GALNTL6: variants seen among roughly 807,000 people sequenced by gnomAD.
GALNTL6 encodes the protein polypeptide N-acetylgalactosaminyltransferase like 6.
In GALNTL6, 46 loss-of-function variants were observed where a neutral mutation model predicts 73.7. The ratio of observed to expected loss-of-function variants is 0.62; its 90% CI spans 0.49 to 0.80. The LOEUF (loss-of-function observed/expected upper bound fraction) is 0.80. GALNTL6 is among the 30% of genes least tolerant of loss of function. GALNTL6 has a pLI of 0.00. For synonymous variants in GALNTL6, 259 were observed against 263.7 expected (o/e 0.98, Z 0.17); for missense variants, 604 against 755.0 (o/e 0.80, Z 2.34).
Position 172,209,097 on chromosome 4 carries a change from A to G in GALNTL6, c.139-20559A>G, listed in dbSNP as rs1449196725. Among the ~76,000 whole-genome samples the G allele has an allele frequency of 3.0e-4, 46 of 152,082 alleles. 1 individual carries two copies. Among genetic ancestry groups the G allele is most frequent in the Admixed American group, 3.0e-3 (45 of 15,250 alleles). ...AAAAGCTAAATTACAAGGACGTCTA[A>G]TTGCAAAGAATAATATTTGCTCAAG... is the stretch of plus-strand genomic sequence containing the variant. On this transcript the variant is annotated intron_variant, in intron 2 of 12. Coordinates refer to ENST00000506823, the MANE Select transcript of GALNTL6 (RefSeq NM_001034845.3).
chr4:172,631,749 C>T (rs1739406340), intron 5 of GALNTL6, among the ~76,000 whole-genome samples: 1 of 152,048 alleles, frequency 6.6e-6, no homozygotes, highest in Non-Finnish European at 1.5e-5. Context: ...TGTTGTTTTG[C>T]CATACAAGTA....
At chr4:171,981,524 T>C (rs902850259) in intron 2 of GALNTL6, among the ~76,000 whole-genome samples, 10 of 152,228 alleles carry the variant, frequency 6.6e-5, no homozygotes, top group Admixed American at 2.0e-4. Flanking sequence ...GCTTTTTTTA[T>C]CTTTGTAGCT....
intron 2 of GALNTL6, among the ~76,000 whole-genome samples, chr4:171,877,877 G>A (rs1346767448): frequency 2.0e-5 from 3 of 152,162 alleles, no homozygotes; most frequent in African/African-American, 4.8e-5. Flanking sequence ...TAAAATGACT[G>A]CAAATTAGAC....
At chr4:172,355,374 C>T (rs1009677481) in intron 5 of GALNTL6, among the ~76,000 whole-genome samples, 4 of 151,994 alleles carry the variant, frequency 2.6e-5, no homozygotes, top group South Asian at 2.1e-4. Flanking sequence ...AATGGCATTA[C>T]GATGAAATAC....
At chr4:172,903,098 A>C (rs991324015) in intron 8 of GALNTL6, among the ~76,000 whole-genome samples, 3 of 152,050 alleles carry the variant, frequency 2.0e-5, no homozygotes, top group Non-Finnish European at 4.4e-5. Context: ...CCAACATTTC[A>C]TTATTTTTTC....
intron 8 of GALNTL6, among the ~76,000 whole-genome samples, chr4:172,914,669 T>A (rs1025430877): frequency 6.6e-6 from 1 of 152,040 alleles, no homozygotes; most frequent in African/African-American, 2.4e-5. Flanking sequence ...TACATAATGG[T>A]AAAGGGATCA....
chr4:172,123,154 G>T (rs567900161), intron 2 of GALNTL6, among the ~76,000 whole-genome samples: 13 of 152,274 alleles, frequency 8.5e-5, no homozygotes, highest in African/African-American at 2.9e-4. Flanking sequence ...TGACAGTAAG[G>T]TTTGGAACCC....
chr4:172,337,744 A>G (rs1229404997), intron 4 of GALNTL6, among the ~76,000 whole-genome samples: 2 of 134,258 alleles, frequency 1.5e-5, no homozygotes, highest in South Asian at 2.3e-4. Flanking sequence ...TGGTGATTAT[A>G]TGCCTGGTGA....
At chr4:172,243,790 G>T (rs1737530468) in intron 3 of GALNTL6, among the ~76,000 whole-genome samples, 1 of 152,124 alleles carries the variant, frequency 6.6e-6, no homozygotes, top group South Asian at 2.1e-4. Context: ...TCAGGGACCT[G>T]TTTTGCTCCT....
chr4:172,837,045 G>A (rs914828226), intron 7 of GALNTL6, among the ~76,000 whole-genome samples: 17 of 152,172 alleles, frequency 1.1e-4, no homozygotes, highest in African/African-American at 4.1e-4. Flanking sequence ...TACATTATAC[G>A]ATTTTCATTA....
chr4:172,261,367 C>G (rs1317780447), intron 3 of GALNTL6, among the ~76,000 whole-genome samples: 1 of 151,298 alleles, frequency 6.6e-6, no homozygotes, highest in Non-Finnish European at 1.5e-5. Context: ...TATCCATCTC[C>G]TCTAGATTTT....
intron 2 of GALNTL6, among the ~76,000 whole-genome samples, chr4:172,164,807 T>G (rs576951666): frequency 1.3e-5 from 2 of 152,064 alleles, no homozygotes; most frequent in South Asian, 4.2e-4. Context: ...AACCGTAGAG[T>G]GTTATGTAAA....
intron 4 of GALNTL6, among the ~76,000 whole-genome samples, chr4:172,339,781 T>C (rs1362739440): frequency 6.6e-6 from 1 of 152,232 alleles, no homozygotes; most frequent in Non-Finnish European, 1.5e-5. Context: ...CCCTCTCATG[T>C]ATTGAGACTT....
At chr4:172,276,011 T>C (rs1738819522) in intron 3 of GALNTL6, among the ~76,000 whole-genome samples, 1 of 152,202 alleles carries the variant, frequency 6.6e-6, no homozygotes, top group African/African-American at 2.4e-5. Flanking sequence ...TTGGTAGAGA[T>C]GTTAATTGCT....
intron 2 of GALNTL6, among the ~76,000 whole-genome samples, chr4:171,887,939 T>C (rs1291810770): frequency 2.6e-5 from 4 of 152,204 alleles, no homozygotes; most frequent in Non-Finnish European, 5.9e-5. Flanking sequence ...AGCTGATAGA[T>C]TGGTGTATGA....
rs370745469 is a variant in GALNTL6 at position 172,226,533 on chromosome 4, TA to T, written c.139-3122del. On this transcript the variant is annotated intron_variant, in intron 2 of 12. Coordinates refer to ENST00000506823, the MANE Select transcript of GALNTL6 (RefSeq NM_001034845.3). ...GGAAGAACTGTAATTCTCATTTCAA[TA>T]TTTTTTTTAAAGGAAAGAAGTTCTG... 1.5e-3 allele frequency among the ~76,000 whole-genome samples: 230 copies of T among 151,672 alleles called. 1 individual carries two copies. The highest frequency in any genetic ancestry group is 5.1e-3 in the African/African-American group (208 of 41,124).
At chr4:172,687,251 C>A (rs1732971040) in intron 5 of GALNTL6, among the ~76,000 whole-genome samples, 1 of 152,052 alleles carries the variant, frequency 6.6e-6, no homozygotes, top group South Asian at 2.1e-4. Context: ...AAAATTTACA[C>A]CTGAAATTTC....
intron 2 of GALNTL6, among the ~76,000 whole-genome samples, chr4:171,840,135 G>A (rs79989893): frequency 0.019 from 2,835 of 152,176 alleles, 88 homozygotes; most frequent in East Asian, 0.11. Flanking sequence ...CAAAGTCACC[G>A]GCTCGCTGGC....
At chr4:172,042,165 C>A (rs187416995) in intron 2 of GALNTL6, among the ~76,000 whole-genome samples, 1 of 152,120 alleles carries the variant, frequency 6.6e-6, no homozygotes, top group African/African-American at 2.4e-5. Flanking sequence ...AACTCTTAAT[C>A]CCAAAACAAT....
Sources: gnomAD v4.1 joint callset for allele counts (sites outside exome capture counted in the v4.1 genomes callset) on GRCh38, gnomAD v4.1.1 for gene constraint, MANE v1.5 for transcripts, NCBI Gene and HGNC (gene_info 2026-07-23, HGNC 2026-07-21) for gene names.